Variants in ABTB3 observed in about 807,000 individuals in gnomAD.
ABTB3 encodes ankyrin repeat and BTB domain containing 3, also known as ankyrin repeat- and BTB/POZ domain-containing protein 3.
the ABTB3 span, among the ~76,000 whole-genome samples, chr12:107,458,021 A>G: frequency 6.6e-6 from 1 of 152,224 alleles, no homozygotes; most frequent in Admixed American, 6.5e-5. Flanking sequence ...TAAATCTTAA[A>G]TGGGTGATTC....
At chr12:107,525,324 CAAAAAAAAAAAAAA>C in the ABTB3 span, among the ~76,000 whole-genome samples, 8 of 34,894 alleles carry the variant, frequency 2.3e-4, no homozygotes, top group East Asian at 1.5e-3. Context: ...AAGATCCTGT[CAAAAAAAAAAAAAA>C]AAAAAAAAAA....
the ABTB3 span, among the ~76,000 whole-genome samples, chr12:107,331,415 G>A: frequency 6.6e-6 from 1 of 152,328 alleles, no homozygotes; most frequent in South Asian, 2.1e-4. Context: ...GGTTCACGGG[G>A]ACAGGAGTGT....
the ABTB3 span, among the ~76,000 whole-genome samples, chr12:107,490,731 A>G: frequency 6.6e-6 from 1 of 152,178 alleles, no homozygotes; most frequent in South Asian, 2.1e-4. Context: ...TGCTTCACAG[A>G]AGGAGTAACC....
At chr12:107,403,283 A>C in the ABTB3 span, among the ~76,000 whole-genome samples, 1 of 152,186 alleles carries the variant, frequency 6.6e-6, no homozygotes, top group African/African-American at 2.4e-5. Context: ...ACAGACCTGA[A>C]CTTGCATAAG....
At chr12:107,479,953 T>C in the ABTB3 span, among the ~76,000 whole-genome samples, 2 of 152,194 alleles carry the variant, frequency 1.3e-5, no homozygotes, top group African/African-American at 4.8e-5. Context: ...TCAGATCCCA[T>C]GTTCTCAACC....
At chr12:107,325,466 CT>C in the ABTB3 span, among the ~76,000 whole-genome samples, 1 of 152,192 alleles carries the variant, frequency 6.6e-6, no homozygotes, top group Non-Finnish European at 1.5e-5. Context: ...TAAATTAAAA[CT>C]TGGAATTTGG....
the ABTB3 span, among the ~76,000 whole-genome samples, chr12:107,609,123 G>A: frequency 1.3e-5 from 2 of 152,224 alleles, no homozygotes; most frequent in South Asian, 2.1e-4. Flanking sequence ...GTAACAGTGC[G>A]TGCCTCTGAC....
At chr12:107,588,606 C>T in the ABTB3 span, among the ~76,000 whole-genome samples, 5 of 152,144 alleles carry the variant, frequency 3.3e-5, no homozygotes, top group African/African-American at 1.2e-4. Flanking sequence ...CCTCAACCTC[C>T]GCCTCCCGGG....
the ABTB3 span, among the ~76,000 whole-genome samples, chr12:107,337,868 G>C: frequency 6.6e-6 from 1 of 152,206 alleles, no homozygotes; most frequent in Non-Finnish European, 1.5e-5. Flanking sequence ...GAATTATAAA[G>C]ATAAAGCAAC....
the ABTB3 span, chr12:107,319,929 C>T: frequency 2.7e-6 from 4 of 1,496,398 alleles, no homozygotes; most frequent in African/African-American, 1.4e-5. Flanking sequence ...GCAGCCGCCG[C>T]CAACCACCAC....
the ABTB3 span, among the ~76,000 whole-genome samples, chr12:107,353,722 G>A: frequency 5.1e-4 from 78 of 152,212 alleles, 1 homozygote; most frequent in African/African-American, 1.6e-3. Context: ...GAGCATTACC[G>A]CCTGAGCTCT....
At chr12:107,484,550 G>A in the ABTB3 span, among the ~76,000 whole-genome samples, 2 of 152,092 alleles carry the variant, frequency 1.3e-5, no homozygotes, top group Non-Finnish European at 2.9e-5. Context: ...TATTCCTAGT[G>A]GGATGGGGCA....
the ABTB3 span, among the ~76,000 whole-genome samples, chr12:107,521,263 TTGTGTGTGTGTGTG>T: frequency 3.1e-4 from 44 of 142,960 alleles, 3 homozygotes; most frequent in African/African-American, 6.4e-4. Context: ...TTCATATAAG[TTGTGTGTGTGTGTG>T]TGTGTGTGTG....
At chr12:107,599,078 A>T in the ABTB3 span, among the ~76,000 whole-genome samples, 1 of 152,150 alleles carries the variant, frequency 6.6e-6, no homozygotes, top group African/African-American at 2.4e-5. Flanking sequence ...GTGTTGTTTC[A>T]AGGCCACCAT....
At chr12:107,381,681 G>T in the ABTB3 span, among the ~76,000 whole-genome samples, 2 of 152,172 alleles carry the variant, frequency 1.3e-5, no homozygotes, top group Non-Finnish European at 2.9e-5. Context: ...TATCCTAAGG[G>T]CAGGGGGAAC....
At chr12:107,319,046 T>C in the ABTB3 span, 1 of 1,613,700 alleles carries the variant, frequency 6.2e-7, no homozygotes. Flanking sequence ...CAACTTGTCT[T>C]TGTGCTGTTC....
chr12:107,511,916 C>T, the ABTB3 span, among the ~76,000 whole-genome samples: 11 of 152,082 alleles, frequency 7.2e-5, no homozygotes, highest in South Asian at 2.1e-4. Context: ...CCTATTCTGA[C>T]GGAAGCCTCA....
At chr12:107,550,583 CTTT>C in the ABTB3 span, among the ~76,000 whole-genome samples, 3 of 135,236 alleles carry the variant, frequency 2.2e-5, no homozygotes, top group Non-Finnish European at 3.1e-5. Context: ...TTCTTTCTTT[CTTT>C]TTTTTTTTTT....
chr12:107,375,342 C>T, the ABTB3 span, among the ~76,000 whole-genome samples: 3 of 152,042 alleles, frequency 2.0e-5, no homozygotes, highest in Admixed American at 6.5e-5. Flanking sequence ...CACCTTAGCC[C>T]GGGAGATTAA....
Sources: allele counts gnomAD v4.1 joint callset (sites outside exome capture counted in the v4.1 genomes callset), GRCh38; gene constraint gnomAD v4.1.1; transcripts MANE v1.5; gene names NCBI Gene and HGNC (gene_info 2026-07-23, HGNC 2026-07-21).